Variants in GDAP1L1 observed in about 807,000 individuals in gnomAD.
GDAP1L1 encodes ganglioside-induced differentiation-associated protein 1-like 1.
In GDAP1L1, 21 loss-of-function variants were observed where a neutral mutation model predicts 37.1. The ratio of observed to expected loss-of-function variants is 0.57; its 90% CI spans 0.40 to 0.81. The LOEUF is 0.81. GDAP1L1 is among the 40% of genes least tolerant of loss of function. The probability of loss-of-function intolerance (pLI) is 0.00; values close to 1 mark genes in which losing one functional copy is unlikely to be tolerated. For missense variants in GDAP1L1, 362 were observed against 491.6 expected, an observed-to-expected ratio of 0.74 and a Z score of 2.49; for synonymous variants, 193 against 209.1, an observed-to-expected ratio of 0.92 and a Z score of 0.67.
In GDAP1L1 at chr20:44,247,367, C is replaced by A. The variant is rs373063886; in HGVS notation, c.33C>A (p.Asn11Lys). 1 of 1,613,474 alleles carries A rather than the reference C, an allele frequency of 6.2e-7. No homozygotes were observed. Among genetic ancestry groups the A allele is most frequent in the African/African-American group, 1.3e-5 (1 of 74,940 alleles). The change falls in exon 1 of 6, where the codon AAC (asparagine) becomes AAA (lysine). Residue 11 changes from asparagine (N) to lysine (K), a missense_variant. Asn to Lys is a moderately conservative substitution (Grantham distance 94). This residue lies in a region of GDAP1L1 where 277 missense variants were observed against 337.1 expected (regional missense o/e 0.82). Transcript: ENST00000342560. MATPNNLTPT[N>K]CSWWPISALE... ...CCCCCAACAATCTGACCCCCACCAA[C>A]TGCAGCTGGTGGCCCATCTCCGCGC...
chr20:44,271,314 A>G (rs2062513317), intron 5 of GDAP1L1, among the ~76,000 whole-genome samples: 1 of 152,212 alleles, frequency 6.6e-6, no homozygotes, highest in African/African-American at 2.4e-5. Flanking sequence ...AGCGGGTATC[A>G]GCGCAGAGGA....
At chr20:44,265,553 G>C in intron 5 of GDAP1L1, 1 of 893,584 alleles carries the variant, frequency 1.1e-6, no homozygotes, top group Non-Finnish European at 1.3e-6. Flanking sequence ...TAGAGTTCCA[G>C]CTTTGCTGCC....
At chr20:44,258,695 C>A (rs2073613183) in intron 3 of GDAP1L1, 88 bp downstream of exon 3, 3 of 939,698 alleles carry the variant, frequency 3.2e-6, no homozygotes, top group Non-Finnish European at 3.3e-6. Context: ...TCTCCTGGGC[C>A]TCTCTCTGTC....
chr20:44,270,892 T>A (rs4812810), intron 5 of GDAP1L1, among the ~76,000 whole-genome samples: 4 of 152,018 alleles, frequency 2.6e-5, no homozygotes, highest in African/African-American at 7.3e-5. Context: ...GAAATACAGC[T>A]GCTATTCAAG....
intron 3 of GDAP1L1, among the ~76,000 whole-genome samples, chr20:44,262,533 C>A (rs1219510238): frequency 6.6e-6 from 1 of 151,990 alleles, no homozygotes; most frequent in African/African-American, 2.4e-5. Flanking sequence ...TACTACTCGT[C>A]CTCAAGGGTA....
chr20:44,253,559 A>G lies in GDAP1L1; in HGVS notation c.181-3594A>G, dbSNP rs572045398. 1.6e-4 allele frequency among the ~76,000 whole-genome samples: 25 copies of G among 152,338 alleles called. No individual in the cohort carries two copies. In the South Asian group the frequency reaches 5.2e-3, roughly 32 times the overall value. ...GGAGAGGCAGTGCCTGACCCATGAC[A>G]ATGCGGCACTGTGGGTGATTTTCAG... On this transcript the variant is annotated intron_variant, in intron 1 of 5. Coordinates refer to ENST00000342560, the MANE Select transcript of GDAP1L1 (RefSeq NM_024034.6).
At chr20:44,264,911 G>A (rs938870163) in intron 5 of GDAP1L1, 13 of 1,060,358 alleles carry the variant, frequency 1.2e-5, no homozygotes, top group Non-Finnish European at 1.3e-5. Context: ...TGAAGATGAT[G>A]TTAAGAGGCA....
intron 5 of GDAP1L1, among the ~76,000 whole-genome samples, chr20:44,273,460 T>C (rs1285641100): frequency 3.3e-5 from 5 of 152,160 alleles, no homozygotes. Flanking sequence ...TCACTGTCCG[T>C]CACTCCCATC....
At chr20:44,262,456 AG>A (rs1467171785) in intron 3 of GDAP1L1, among the ~76,000 whole-genome samples, 1 of 152,012 alleles carries the variant, frequency 6.6e-6, no homozygotes, top group East Asian at 1.9e-4. Context: ...GGAAGAATGC[AG>A]GGGGAGAAGC....
At chr20:44,278,043 A>G (rs890075194) in intron 5 of GDAP1L1, among the ~76,000 whole-genome samples, 2 of 150,950 alleles carry the variant, frequency 1.3e-5, no homozygotes, top group Admixed American at 1.3e-4. Flanking sequence ...AATCCCAGCT[A>G]TTAGGGAGGC....
chr20:44,263,431 A>AAAAGCC (rs2073708907), intron 4 of GDAP1L1, 104 bp downstream of exon 4: 1 of 870,170 alleles, frequency 1.1e-6, no homozygotes, highest in Admixed American at 2.0e-5. Flanking sequence ...TATGAAATGG[A>AAAAGCC]AAAGCCCCTG....
intron 5 of GDAP1L1, among the ~76,000 whole-genome samples, chr20:44,270,863 A>G (rs2062507913): frequency 6.6e-6 from 1 of 152,228 alleles, no homozygotes; most frequent in Non-Finnish European, 1.5e-5. Flanking sequence ...ACTCTGCCCC[A>G]TCATTCATTA....
At chr20:44,276,194 G>T (rs1002813890) in intron 5 of GDAP1L1, among the ~76,000 whole-genome samples, 1 of 151,580 alleles carries the variant, frequency 6.6e-6, no homozygotes, top group African/African-American at 2.4e-5. Context: ...TAATAGCCAG[G>T]CATGATGGTG....
In GDAP1L1 at chr20:44,263,343, C is replaced by G. The variant is rs901473948; in HGVS notation, c.645+16C>G. 3 of 1,529,520 alleles carry G rather than the reference C, an allele frequency of 2.0e-6. No individual in the cohort carries two copies. The highest frequency in any genetic ancestry group is 2.7e-5 in the African/African-American group (2 of 73,192). The allele number at this position is 1,529,520 out of a possible 1,614,324, so 94.7% of individuals were successfully genotyped here. On this transcript the variant is annotated intron_variant, in intron 4 of 5. Coordinates refer to ENST00000342560, the MANE Select transcript of GDAP1L1 (RefSeq NM_024034.6). The stretch of plus-strand genomic sequence containing the variant: ...GAAGCTCATGGTGAGTACCTCCCGG[C>G]CTGCTGAGTCCCCTTCCCTACGAGC...
intron 5 of GDAP1L1, 132 bp from the exon 6 acceptor site, chr20:44,278,825 A>G (rs1600573494): frequency 1.6e-6 from 1 of 621,316 alleles, no homozygotes; most frequent in East Asian, 2.6e-5. Flanking sequence ...AAATCACTGA[A>G]GTTGTACAGG....
chr20:44,247,859 G>T lies in GDAP1L1; in HGVS notation c.180+345G>T, dbSNP rs565807491. Among the ~76,000 whole-genome samples, 235 of 152,212 alleles carry T rather than the reference G, an allele frequency of 1.5e-3. 2 individuals are homozygous for T. The highest frequency in any genetic ancestry group is 5.5e-3 in the African/African-American group (227 of 41,546). ...ATGGGCACTGCTGGGAAGGCGGCTT[G>T]GTGGGGTGGGAGGTGCTGCTGCTGC... On this transcript the variant is annotated intron_variant, in intron 1 of 5. Transcript: ENST00000342560.
chr20:44,264,721 C>A, intron 5 of GDAP1L1, 162 bp downstream of exon 5: 1 of 1,406,072 alleles, frequency 7.1e-7, no homozygotes, highest in Non-Finnish European at 9.5e-7. Context: ...ATAACTTGGC[C>A]ACTTCCTAGC....
chr20:44,257,197 G>A lies in GDAP1L1; in HGVS notation c.225G>A (p.Arg75=), dbSNP rs371539000. 19 of 1,608,784 alleles carry A rather than the reference G, an allele frequency of 1.2e-5. No individual in the cohort carries two copies. The South Asian group carries it at 1.3e-4, about 11-fold the overall frequency. Residue 75 remains arginine, a synonymous_variant, in exon 2 of 6, where the codon CGG becomes CGA. Coordinates refer to ENST00000342560, the MANE Select transcript of GDAP1L1 (RefSeq NM_024034.6). The part of the protein sequence containing the change: ...IAEKGLVCEE[R]DVSLPQSEHK... ...AGAAGGGCCTGGTGTGCGAGGAGCG[G>A]GACGTGAGCCTGCCACAGAGCGAGC...
At chr20:44,278,153 C>CAA (rs3037697) in intron 5 of GDAP1L1, among the ~76,000 whole-genome samples, 42 of 85,964 alleles carry the variant, frequency 4.9e-4, no homozygotes, top group African/African-American at 1.7e-3. Context: ...GACTCCATCT[C>CAA]AAAAAAAAAA....
Sources: gnomAD v4.1 joint callset for allele counts (sites outside exome capture counted in the v4.1 genomes callset) on GRCh38, gnomAD v4.1.1 for gene constraint, gnomAD v4.1.1 regional missense constraint, MANE v1.5 for transcripts, NCBI Gene and HGNC (gene_info 2026-07-23, HGNC 2026-07-21) for gene names.